Variants in TACC2 observed in about 807,000 individuals in gnomAD.
The protein encoded by TACC2 is transforming acidic coiled-coil containing protein 2, also known as transforming acidic coiled-coil-containing protein 2.
In TACC2, 137 loss-of-function variants were observed where a neutral mutation model predicts 227.3. That is an observed-to-expected ratio of 0.60 (90% CI 0.52 to 0.69). The LOEUF is 0.69. TACC2 is among the 30% of genes least tolerant of loss of function. The probability of loss-of-function intolerance (pLI) is 0.00; values close to 1 mark genes in which losing one functional copy is unlikely to be tolerated. For synonymous variants in TACC2, 1,523 were observed against 1,487.5 expected (o/e 1.02, Z -0.55); for missense variants, 3,470 against 3,694.4 (o/e 0.94, Z 1.57).
chr10:122,037,000 G>A (rs1395720817), intron 2 of TACC2, among the ~76,000 whole-genome samples: 1 of 152,164 alleles, frequency 6.6e-6, no homozygotes, highest in Non-Finnish European at 1.5e-5. Flanking sequence ...GCTTGTAGGT[G>A]TGAAGTAGTG....
chr10:122,198,717 G>A (rs192680885), intron 8 of TACC2, among the ~76,000 whole-genome samples: 107 of 152,334 alleles, frequency 7.0e-4, no homozygotes, highest in African/African-American at 2.5e-3. Flanking sequence ...TTCCAAGCCC[G>A]GCTCCCTTCC....
At chr10:122,213,947 C>T (rs2095348604) in intron 9 of TACC2, among the ~76,000 whole-genome samples, 1 of 152,246 alleles carries the variant, frequency 6.6e-6, no homozygotes, top group African/African-American at 2.4e-5. Flanking sequence ...CCTGCATCCT[C>T]AGTCACCCAG....
Position 122,084,846 on chromosome 10 carries a change from C to T in TACC2, c.2346C>T (p.Pro782=). The T allele has an allele frequency of 1.2e-6, 2 of 1,613,910 alleles. No individual in the cohort carries two copies. Among genetic ancestry groups the T allele is most frequent in the Middle Eastern group, 1.6e-4 (1 of 6,062 alleles). Residue 782 remains proline (P), a synonymous_variant, in exon 4 of 23, where the codon CCC becomes CCT. Coordinates refer to ENST00000369005, the MANE Select transcript of TACC2 (RefSeq NM_206862.4). ...TTCATGCTGGGGTGCCACATCCCCCCCAGGGGGAGAACTTGGCAGCAGACC... is the reference window on the plus strand; with the variant it reads ...TTCATGCTGGGGTGCCACATCCCCCTCAGGGGGAGAACTTGGCAGCAGACC... The part of the protein sequence containing the change: ...QEFHAGVPHP[P]QGENLAADLG...
chr10:122,239,547 G>T (rs759715475), intron 18 of TACC2, among the ~76,000 whole-genome samples: 1 of 152,112 alleles, frequency 6.6e-6, no homozygotes, highest in Non-Finnish European at 1.5e-5. Context: ...AAACCTCTTT[G>T]TTTTTTCTCT....
At chr10:122,051,303 C>CA (rs2075654322) in intron 3 of TACC2, 2 of 152,422 alleles carry the variant, frequency 1.3e-5, no homozygotes, top group East Asian at 3.9e-4. Flanking sequence ...CCACCCGCCT[C>CA]AGCTTCCCAA....
chr10:122,175,356 C>T (rs1453835705), intron 7 of TACC2, among the ~76,000 whole-genome samples: 1 of 152,160 alleles, frequency 6.6e-6, no homozygotes, highest in Non-Finnish European at 1.5e-5. Context: ...GGAAAGGATA[C>T]ATTGGTTAAT....
In TACC2 at chr10:122,180,231, T is replaced by C. The variant is rs1005049464; in HGVS notation, c.5835-14809T>C. 6.6e-6 allele frequency among the ~76,000 whole-genome samples: 1 copy of C among 152,246 alleles called. No individual in the cohort carries two copies. The highest frequency in any genetic ancestry group is 1.5e-5 in the Non-Finnish European group (1 of 68,044). On this transcript the variant is annotated intron_variant, in intron 7 of 22. Coordinates refer to ENST00000369005, the MANE Select transcript of TACC2 (RefSeq NM_206862.4). The surrounding 1 kb of genome is among the most constrained non-coding windows in gnomAD (Gnocchi z 4.5). ...CTCCTCGTTGCCTGCTTTGTTTTCT[T>C]AAATGGCCTGAAGCCCATTCCTTGA...
intron 1 of TACC2, among the ~76,000 whole-genome samples, chr10:121,995,499 GC>G (rs1307327661): frequency 6.6e-6 from 1 of 152,150 alleles, no homozygotes. Context: ...TATACAGGGG[GC>G]AAAACTCCTC....
intron 6 of TACC2, among the ~76,000 whole-genome samples, chr10:122,142,070 A>G (rs1362080828): frequency 2.0e-5 from 3 of 152,278 alleles, no homozygotes; most frequent in Non-Finnish European, 2.9e-5. Context: ...AAAGGAGGCC[A>G]GTCACTCCAT....
At chr10:122,165,462 C>G (rs577709355) in intron 7 of TACC2, among the ~76,000 whole-genome samples, 2 of 152,156 alleles carry the variant, frequency 1.3e-5, no homozygotes, top group Non-Finnish European at 2.9e-5. Context: ...CTAACGTCCC[C>G]GCCCTCTTTT....
chr10:122,190,849 G>A (rs1055585318), intron 7 of TACC2, among the ~76,000 whole-genome samples: 6 of 152,094 alleles, frequency 3.9e-5, no homozygotes, highest in Admixed American at 2.0e-4. Flanking sequence ...AATTGCTCTC[G>A]ATGATGGACC....
chr10:122,157,101 G>C (rs1254830565), intron 7 of TACC2, among the ~76,000 whole-genome samples: 1 of 152,198 alleles, frequency 6.6e-6, no homozygotes, highest in East Asian at 1.9e-4. Flanking sequence ...GACAGAGTGA[G>C]ACCCTGTCTC....
chr10:122,243,273 A>G (rs1386849701), intron 19 of TACC2, among the ~76,000 whole-genome samples: 1 of 152,136 alleles, frequency 6.6e-6, no homozygotes, highest in African/African-American at 2.4e-5. Context: ...TTCTAAGGAT[A>G]TATGGAGTAA....
In TACC2 at chr10:122,024,196, C is replaced by T. The variant is rs113268572; in HGVS notation, c.33+2182C>T. ...TAGTCTGGGCAACATAGGGAGACCC[C>T]ATCTCTACCAAGGAAAAAAATTAGC... On this transcript the variant is annotated intron_variant, in intron 2 of 22. Transcript: ENST00000369005. Among the ~76,000 whole-genome samples, 867 of 152,064 alleles carry T rather than the reference C, an allele frequency of 5.7e-3. 7 individuals are homozygous for T. Among genetic ancestry groups the T allele is most frequent in the African/African-American group, 0.02 (820 of 41,478 alleles).
At chr10:122,096,695 C>CAAA (rs57474527) in intron 5 of TACC2, among the ~76,000 whole-genome samples, 8 of 116,038 alleles carry the variant, frequency 6.9e-5, no homozygotes, top group South Asian at 3.0e-4. Flanking sequence ...AACTCCGTCT[C>CAAA]AAAAAAAAAA....
intron 3 of TACC2, among the ~76,000 whole-genome samples, chr10:122,061,019 A>AAAGG (rs1491511358): frequency 2.4e-4 from 4 of 16,590 alleles, no homozygotes; most frequent in African/African-American, 4.1e-4. Flanking sequence ...AAAAAAAAAA[A>AAAGG]GGGGGGGGGG....
intron 7 of TACC2, among the ~76,000 whole-genome samples, chr10:122,146,616 C>T (rs144152599): frequency 2.5e-3 from 374 of 152,152 alleles, no homozygotes; most frequent in Non-Finnish European, 4.0e-3. Flanking sequence ...CTGCAGAGTC[C>T]CCACCAGCAA....
chr10:122,105,953 T>C (rs1447363203), intron 5 of TACC2, among the ~76,000 whole-genome samples: 72 of 145,358 alleles, frequency 5.0e-4, no homozygotes, highest in African/African-American at 1.5e-3. Flanking sequence ...TCTGTGTGTG[T>C]GTGTGTGTGT....
intron 1 of TACC2, among the ~76,000 whole-genome samples, chr10:122,017,943 G>A (rs1956884673): frequency 6.9e-6 from 1 of 145,398 alleles, no homozygotes; most frequent in Non-Finnish European, 1.5e-5. Context: ...TTTTTAACCT[G>A]GTAGTGGAAT....
Sources: allele counts gnomAD v4.1 joint callset (sites outside exome capture counted in the v4.1 genomes callset), GRCh38; gene constraint gnomAD v4.1.1; non-coding constraint Gnocchi (gnomAD v3.1); transcripts MANE v1.5; gene names NCBI Gene and HGNC (gene_info 2026-07-23, HGNC 2026-07-21).